Variants in GALNT17 observed in about 807,000 individuals in gnomAD.
GALNT17 encodes polypeptide N-acetylgalactosaminyltransferase 17, also known as UDP-GalNAc:polypeptide N-acetylgalactosaminyltransferase-like 3.
A neutral mutation model predicts 63.7 loss-of-function variants in GALNT17; 29 were observed. The observed-to-expected ratio is 0.46, with a 90% confidence interval of 0.34 to 0.62. The LOEUF (loss-of-function observed/expected upper bound fraction) is 0.62, where lower values mean the gene tolerates loss of function less well. Ranked by LOEUF, GALNT17 falls within the 20% of genes least tolerant of loss-of-function variation. The probability of loss-of-function intolerance (pLI) is 0.01; values close to 1 mark genes in which losing one functional copy is unlikely to be tolerated. For synonymous variants in GALNT17, 305 were observed against 318.3 expected, an observed-to-expected ratio of 0.96 and a Z score of 0.45; for missense variants, 603 against 799.6, an observed-to-expected ratio of 0.75 and a Z score of 2.97.
intron 1 of GALNT17, among the ~76,000 whole-genome samples, chr7:71,293,823 T>G (rs1388629507): frequency 1.3e-5 from 2 of 152,198 alleles, no homozygotes; most frequent in Non-Finnish European, 2.9e-5. Context: ...CATGGTATTT[T>G]CTTTGAATGT....
At chr7:71,530,377 A>T (rs1788697241) in intron 5 of GALNT17, among the ~76,000 whole-genome samples, 1 of 152,114 alleles carries the variant, frequency 6.6e-6, no homozygotes, top group East Asian at 1.9e-4. Context: ...TCTCCTAAAG[A>T]CTTTTAAAGG....
chr7:71,413,477 T>G (rs2116427685), intron 3 of GALNT17, among the ~76,000 whole-genome samples: 1 of 152,236 alleles, frequency 6.6e-6, no homozygotes, highest in Middle Eastern at 3.4e-3. Flanking sequence ...GCAATTCTCC[T>G]GCCTCGGCCT....
intron 6 of GALNT17, among the ~76,000 whole-genome samples, chr7:71,621,385 C>G (rs1790286440): frequency 6.6e-6 from 1 of 152,124 alleles, no homozygotes. Context: ...TATCACCTGA[C>G]CTGCCTAGCA....
At chr7:71,515,701 G>A (rs1353569534) in intron 5 of GALNT17, among the ~76,000 whole-genome samples, 1 of 152,166 alleles carries the variant, frequency 6.6e-6, no homozygotes, top group African/African-American at 2.4e-5. Flanking sequence ...GAGGAATTTA[G>A]TACTTGCTTA....
intron 2 of GALNT17, among the ~76,000 whole-genome samples, chr7:71,378,056 A>C (rs1792778656): frequency 6.6e-6 from 1 of 152,204 alleles, no homozygotes; most frequent in Admixed American, 6.5e-5. Context: ...AGACCACAAA[A>C]TATCTCATGC....
At chr7:71,644,526 T>A (rs1295288711) in intron 6 of GALNT17, among the ~76,000 whole-genome samples, 2 of 24,636 alleles carry the variant, frequency 8.1e-5, no homozygotes, top group African/African-American at 2.6e-4. Context: ...AGACTCCATC[T>A]CAAAAAAAAA....
chr7:71,146,702 C>T lies in GALNT17; in HGVS notation c.238+13662C>T, dbSNP rs115470716. Among the ~76,000 whole-genome samples, 469 of 152,284 alleles carry T rather than the reference C, an allele frequency of 3.1e-3. 2 individuals are homozygous for T. The highest frequency in any genetic ancestry group is 0.01 in the African/African-American group (429 of 41,538). ...CTCTCCCCTAGTGATTGCTGCTCAC[C>T]GGTCTTTAGACTGCTCTGACATGTG... On this transcript the variant is annotated intron_variant, in intron 1 of 10. Coordinates refer to ENST00000333538, the MANE Select transcript of GALNT17 (RefSeq NM_022479.3).
At chr7:71,512,317 C>G (rs1461054524) in intron 5 of GALNT17, among the ~76,000 whole-genome samples, 1 of 151,894 alleles carries the variant, frequency 6.6e-6, no homozygotes, top group African/African-American at 2.4e-5. Flanking sequence ...TGGGTTGCAG[C>G]CTTCTGACAT....
intron 3 of GALNT17, among the ~76,000 whole-genome samples, chr7:71,389,436 G>T (rs1214816369): frequency 1.3e-5 from 2 of 152,008 alleles, no homozygotes; most frequent in Non-Finnish European, 2.9e-5. Flanking sequence ...TGCCTGGCTG[G>T]TTGCAACCTT....
At chr7:71,643,541 T>C (rs557918051) in intron 6 of GALNT17, among the ~76,000 whole-genome samples, 46 of 152,154 alleles carry the variant, frequency 3.0e-4, no homozygotes, top group Non-Finnish European at 6.0e-4. Context: ...TTCAAGATAA[T>C]ACAATGACAT....
chr7:71,484,797 A>ATATT (rs1787882069), intron 5 of GALNT17, among the ~76,000 whole-genome samples: 1 of 107,364 alleles, frequency 9.3e-6, no homozygotes, highest in East Asian at 2.8e-4. Flanking sequence ...CAGCATCAGG[A>ATATT]TTTTTTTTTT....
chr7:71,370,704 T>C (rs987316289), intron 2 of GALNT17, among the ~76,000 whole-genome samples: 3 of 152,030 alleles, frequency 2.0e-5, no homozygotes, highest in Non-Finnish European at 4.4e-5. Flanking sequence ...CTGGTCTCAA[T>C]TGATCTGCCC....
At chr7:71,400,900 A>T (rs1793227698) in intron 3 of GALNT17, among the ~76,000 whole-genome samples, 1 of 152,196 alleles carries the variant, frequency 6.6e-6, no homozygotes, top group Non-Finnish European at 1.5e-5. Flanking sequence ...TATGCTAAGA[A>T]TTAAGAATCA....
At chr7:71,600,733 G>GT (rs1334425267) in intron 6 of GALNT17, among the ~76,000 whole-genome samples, 2 of 145,104 alleles carry the variant, frequency 1.4e-5, no homozygotes, top group African/African-American at 5.2e-5. Context: ...AGTAATTTTG[G>GT]TTTTTTGTTT....
intron 6 of GALNT17, among the ~76,000 whole-genome samples, chr7:71,611,950 C>T (rs1790131425): frequency 6.6e-6 from 1 of 152,042 alleles, no homozygotes; most frequent in Admixed American, 6.6e-5. Context: ...AGGAGATGAG[C>T]TTGGATGATC....
At chr7:71,416,109 G>A in intron 4 of GALNT17, 46 bp downstream of exon 4, 1 of 1,553,238 alleles carries the variant, frequency 6.4e-7, no homozygotes, top group Non-Finnish European at 8.7e-7. Flanking sequence ...CCTGCATTGT[G>A]GTTGAGAGGG....
intron 1 of GALNT17, among the ~76,000 whole-genome samples, chr7:71,297,897 G>C (rs940138592): frequency 6.6e-6 from 1 of 152,228 alleles, no homozygotes; most frequent in Non-Finnish European, 1.5e-5. Flanking sequence ...ATCATCTCTG[G>C]GGTGGGGAGA....
intron 5 of GALNT17, among the ~76,000 whole-genome samples, chr7:71,557,801 A>G (rs1789189446): frequency 6.6e-6 from 1 of 150,756 alleles, no homozygotes; most frequent in Admixed American, 6.6e-5. Context: ...ACCCGGGCGC[A>G]GTGGCTCACA....
intron 9 of GALNT17, among the ~76,000 whole-genome samples, chr7:71,679,354 T>A (rs578247884): frequency 3.3e-5 from 5 of 152,194 alleles, no homozygotes; most frequent in Admixed American, 1.3e-4. Flanking sequence ...GCCATGATCA[T>A]GCCACTGCAC....
Sources: gnomAD v4.1 joint callset for allele counts (sites outside exome capture counted in the v4.1 genomes callset) on GRCh38, gnomAD v4.1.1 for gene constraint, MANE v1.5 for transcripts, NCBI Gene and HGNC (gene_info 2026-07-23, HGNC 2026-07-21) for gene names.